Variants in OSGIN1 observed in about 807,000 individuals in gnomAD.
The protein encoded by OSGIN1 is oxidative stress induced growth inhibitor 1.
OSGIN1 carries 19 observed loss-of-function variants against 20.1 expected under a neutral mutation model. That is an observed-to-expected ratio of 0.95 (90% CI 0.66 to 1.39). The LOEUF is 1.39. OSGIN1 is among the 40% of genes most tolerant of loss of function. OSGIN1 has a pLI of 0.00. For synonymous variants in OSGIN1, 368 were observed against 297.8 expected, an observed-to-expected ratio of 1.24 and a Z score of -2.43; for missense variants, 820 against 653.0, an observed-to-expected ratio of 1.26 and a Z score of -2.79.
At chr16:83,960,192 CA>C (rs1909136447) in intron 3 of OSGIN1, among the ~76,000 whole-genome samples, 1 of 152,132 alleles carries the variant, frequency 6.6e-6, no homozygotes, top group African/African-American at 2.4e-5. Flanking sequence ...CTGGGTTTGG[CA>C]AAATTAAACA....
chr16:83,957,602 C>T (rs1330559497), intron 1 of OSGIN1, 38 bp from the exon 2 acceptor site: 1 of 1,074,610 alleles, frequency 9.3e-7, no homozygotes, highest in South Asian at 1.3e-5. Flanking sequence ...CCAGGCCTCA[C>T]CCGAATGGAC....
Position 83,959,339 on chromosome 16 carries a change from A to C in OSGIN1, c.147A>C (p.Pro49=). The change falls in exon 3 of 6, where the codon CCA becomes CCC. Residue 49 remains proline, a synonymous_variant. Coordinates refer to ENST00000393306, the MANE Select transcript of OSGIN1 (RefSeq NM_182981.3). ...ACACGAAGCCAGATGCCATCCACCC[A>C]CACCCCCTGCTGCAGAGGAAGCTCA... is the stretch of plus-strand genomic sequence containing the variant. ...TPYTKPDAIH[P]HPLLQRKLTE... 6.2e-7 allele frequency: 1 copy of C among 1,613,510 alleles called. No homozygotes were observed. Among genetic ancestry groups the C allele is most frequent in the African/African-American group, 1.3e-5 (1 of 74,852 alleles).
intron 4 of OSGIN1, 46 bp downstream of exon 4, chr16:83,960,806 C>T (rs772131272): frequency 5.5e-5 from 87 of 1,584,516 alleles, no homozygotes; most frequent in Non-Finnish European, 6.7e-5. Flanking sequence ...CTCTCTCCCT[C>T]GTTCTCCCCA....
At chr16:83,957,423 C>T (rs960436652) in intron 1 of OSGIN1, among the ~76,000 whole-genome samples, 1 of 151,886 alleles carries the variant, frequency 6.6e-6, no homozygotes, top group Middle Eastern at 3.2e-3. Flanking sequence ...GAGGGGAGGG[C>T]ACATTCTGCA....
In OSGIN1 at chr16:83,955,659, T is replaced by A. The variant is rs1367092248; in HGVS notation, c.-32-1981T>A. ...TGGCACCCAGCCCACTCCACAGAAG[T>A]ATGGAAATGTCAGCCACATGCTGTC... On this transcript the variant is annotated intron_variant, in intron 1 of 5. Coordinates refer to ENST00000393306, the MANE Select transcript of OSGIN1 (RefSeq NM_182981.3). Among the ~76,000 whole-genome samples, 6 of 152,114 alleles carry A rather than the reference T, an allele frequency of 3.9e-5. 1 individual carries two copies. Among genetic ancestry groups the A allele is most frequent in the South Asian group, 4.1e-4 (2 of 4,822 alleles).
chr16:83,964,310 T>A (rs1038645011), intron 5 of OSGIN1, among the ~76,000 whole-genome samples: 1 of 151,246 alleles, frequency 6.6e-6, no homozygotes, highest in African/African-American at 2.4e-5. Context: ...TCTCAAAAAA[T>A]TAAAATAAAA....
chr16:83,960,092 A>G (rs1909131220), intron 3 of OSGIN1, among the ~76,000 whole-genome samples: 1 of 152,194 alleles, frequency 6.6e-6, no homozygotes, highest in Non-Finnish European at 1.5e-5. Flanking sequence ...GATCTAGATC[A>G]GCATTTTTCA....
intron 2 of OSGIN1, 65 bp from the exon 3 acceptor site, chr16:83,959,195 C>A: frequency 8.8e-7 from 1 of 1,131,128 alleles, no homozygotes; most frequent in Non-Finnish European, 1.3e-6. Context: ...TAGATCAAAG[C>A]CCTCCACAGT....
At chr16:83,955,613 A>G (rs1271699426) in intron 1 of OSGIN1, among the ~76,000 whole-genome samples, 2 of 152,228 alleles carry the variant, frequency 1.3e-5, no homozygotes, top group South Asian at 2.1e-4. Context: ...GTTAACGTGT[A>G]TTAAGTGTTG....
At position 83,965,773 on chromosome 16, in the gene OSGIN1, C is replaced by T. The variant is rs763863057; in HGVS notation, c.1200C>T (p.Pro400=). Residue 400 remains proline, a synonymous_variant, in exon 6 of 6, where the codon CCC becomes CCT. Transcript: ENST00000393306. Reference sequence around the variant, plus strand: ...TGCTGGTCCTCATCGGCTCCCACCCCGACCTCTCCTTCCTGCCTGGGGCAG... The same window carrying T: ...TGCTGGTCCTCATCGGCTCCCACCCTGACCTCTCCTTCCTGCCTGGGGCAG... ...SLVLVLIGSH[P]DLSFLPGAGA... is the part of the protein sequence containing the mutation. 29 of 1,613,046 alleles carry T rather than the reference C, an allele frequency of 1.8e-5. No individual in the cohort carries two copies. Among genetic ancestry groups the T allele is most frequent in the East Asian group, 8.9e-5 (4 of 44,888 alleles).
Position 83,966,009 on chromosome 16 carries a change from A to T in OSGIN1, c.*2A>T. On this transcript the variant is annotated 3_prime_UTR_variant, in exon 6 of 6. Transcript: ENST00000393306. ...AAGGAGACCAGGAAGCCACCCTAAC[A>T]CTCGGCCAGACCCGCTGGCTCCCAG... 1 of 1,540,736 alleles carries T rather than the reference A, an allele frequency of 6.5e-7. No individual in the cohort carries two copies. Among genetic ancestry groups the T allele is most frequent in the South Asian group, 1.2e-5 (1 of 82,562 alleles).
Position 83,965,939 on chromosome 16 carries a change from T to C in OSGIN1, c.1366T>C (p.Phe456Leu). 1 of 1,612,068 alleles carries C rather than the reference T, an allele frequency of 6.2e-7. No homozygotes were observed. Among genetic ancestry groups the C allele is most frequent in the Non-Finnish European group, 8.5e-7 (1 of 1,179,738 alleles). ...GPLAGDNFVR[F>L]VQGGALAVAS... Reference sequence around the variant, plus strand: ...GCTGGCCGGGGACAACTTCGTGAGGTTTGTGCAGGGGGGCGCCTTGGCTGT... The same window carrying C: ...GCTGGCCGGGGACAACTTCGTGAGGCTTGTGCAGGGGGGCGCCTTGGCTGT... The change falls in exon 6 of 6, where the codon TTT becomes CTT. Residue 456 changes from phenylalanine to leucine, a missense_variant. Transcript: ENST00000393306.
intron 1 of OSGIN1, among the ~76,000 whole-genome samples, chr16:83,956,568 G>T (rs1457341764): frequency 6.6e-6 from 1 of 152,190 alleles, no homozygotes; most frequent in Non-Finnish European, 1.5e-5. Flanking sequence ...GCACCAGTGA[G>T]CCCTGGGTTT....
intron 2 of OSGIN1, among the ~76,000 whole-genome samples, chr16:83,958,685 G>A (rs915726750): frequency 2.6e-5 from 4 of 152,144 alleles, no homozygotes; most frequent in Non-Finnish European, 4.4e-5. Flanking sequence ...CCCAGGAAGC[G>A]CCACAGATGG....
At chr16:83,960,497 G>C (rs768357762) in intron 3 of OSGIN1, 72 bp from the exon 4 acceptor site, 1 of 1,278,990 alleles carries the variant, frequency 7.8e-7, no homozygotes, top group South Asian at 1.3e-5. Context: ...CCACGTTCCT[G>C]CCCAGCCTCA....
rs563953132 is a variant in OSGIN1, at chr16:83,962,384, G to A, written c.488+1312G>A. 2.1e-3 allele frequency among the ~76,000 whole-genome samples: 327 copies of A among 152,238 alleles called. 1 individual carries two copies. The highest frequency in any genetic ancestry group is 4.4e-3 in the Admixed American group (68 of 15,284). On this transcript the variant is annotated intron_variant, in intron 5 of 5. Coordinates refer to ENST00000393306, the MANE Select transcript of OSGIN1 (RefSeq NM_182981.3). The stretch of plus-strand genomic sequence containing the variant: ...CTCCCGAGTAGCTGGGACTACAGGT[G>A]CCCACCACCACACCCGGCTAATTAT...
intron 5 of OSGIN1, among the ~76,000 whole-genome samples, chr16:83,962,835 T>C (rs1305311716): frequency 6.6e-6 from 1 of 152,200 alleles, no homozygotes; most frequent in Non-Finnish European, 1.5e-5. Context: ...TTTATCTCAG[T>C]GGGCAGAGGG....
At position 83,965,380 on chromosome 16, in the gene OSGIN1, G is replaced by C; in HGVS notation, c.807G>C (p.Leu269=). Residue 269 remains leucine (L), a synonymous_variant, in exon 6 of 6, where the codon CTG becomes CTC. Coordinates refer to ENST00000393306, the MANE Select transcript of OSGIN1 (RefSeq NM_182981.3). ...GEALPFIHHE[L]SALEAATRVG... ...CCCTGCCCTTCATCCACCATGAGCT[G>C]TCTGCCCTGGAGGCCGCCACAAGGG... The C allele has an allele frequency of 1.3e-6, 2 of 1,573,568 alleles. No homozygotes were observed. The highest frequency in any genetic ancestry group is 2.2e-5 in the East Asian group (1 of 44,556).
Position 83,961,313 on chromosome 16 carries a change from C to G in OSGIN1, c.488+241C>G, listed in dbSNP as rs1308253640. 6 of 479,598 alleles carry G rather than the reference C, an allele frequency of 1.3e-5. No homozygotes were observed. The East Asian group carries it at 2.3e-4, about 18-fold the overall frequency. The allele number at this position is 479,598 out of a possible 1,614,324, so 29.7% of individuals were successfully genotyped here. ...TTTGTAAGAAGTACATTGGTTCGGT[C>G]TGGAAAGCTGGGCCAGCTTGAAGCA... On this transcript the variant is annotated intron_variant, in intron 5 of 5. Coordinates refer to ENST00000393306, the MANE Select transcript of OSGIN1 (RefSeq NM_182981.3).
Sources: allele counts gnomAD v4.1 joint callset (sites outside exome capture counted in the v4.1 genomes callset), GRCh38; gene constraint gnomAD v4.1.1; transcripts MANE v1.5; gene names NCBI Gene and HGNC (gene_info 2026-07-23, HGNC 2026-07-21).